Variants in CAPN9 observed in about 807,000 individuals in gnomAD.
CAPN9 encodes calpain-9.
Under a neutral mutation model 92.8 loss-of-function variants are expected in CAPN9, and 81 were observed. The ratio of observed to expected loss-of-function variants is 0.87; its 90% CI spans 0.73 to 1.05. CAPN9 has a LOEUF of 1.05. CAPN9 is among the 50% of genes least tolerant of loss of function. CAPN9 has a pLI of 0.00. For missense variants in CAPN9, 848 were observed against 866.2 expected (o/e 0.98, Z 0.26); for synonymous variants, 304 against 328.0 (o/e 0.93, Z 0.79).
chr1:230,751,636 AAAG>A (rs1664822807), intron 1 of CAPN9, among the ~76,000 whole-genome samples: 1 of 93,364 alleles, frequency 1.1e-5, no homozygotes, highest in Non-Finnish European at 2.1e-5. Flanking sequence ...AGAAAGAAAG[AAAG>A]AAAGAAAGAA....
chr1:230,753,897 C>G (rs1276076924), intron 1 of CAPN9, among the ~76,000 whole-genome samples: 1 of 145,908 alleles, frequency 6.9e-6, no homozygotes, highest in Non-Finnish European at 1.5e-5. Context: ...TCTGCTTCCC[C>G]CAGAGACGCC....
chr1:230,787,304 G>A (rs1667662567), intron 12 of CAPN9, among the ~76,000 whole-genome samples: 1 of 152,094 alleles, frequency 6.6e-6, no homozygotes, highest in Non-Finnish European at 1.5e-5. Context: ...AAGGCAGAAG[G>A]GCTCCACAGG....
chr1:230,774,747 T>TTCTTTC (rs1558100267), intron 8 of CAPN9, 116 bp downstream of exon 8: 21 of 672,192 alleles, frequency 3.1e-5, no homozygotes, highest in Non-Finnish European at 4.1e-5. Flanking sequence ...TTCTTTTTTT[T>TTCTTTC]TTTTTTTTTT....
intron 5 of CAPN9, among the ~76,000 whole-genome samples, chr1:230,768,041 TAAATAAATAAATAAAA>T (rs1348155854): frequency 2.3e-4 from 28 of 123,548 alleles, no homozygotes; most frequent in African/African-American, 7.9e-4. Context: ...AATAAATAAA[TAAATAAATAAATAAAA>T]AATAAAATAA....
intron 4 of CAPN9, among the ~76,000 whole-genome samples, chr1:230,766,770 C>G (rs1666010094): frequency 6.6e-6 from 1 of 152,166 alleles, no homozygotes; most frequent in Non-Finnish European, 1.5e-5. Flanking sequence ...TTCCACGTGG[C>G]TGGGAAGGAT....
At chr1:230,751,609 G>GAAAGAAAGA (rs1443186653) in intron 1 of CAPN9, among the ~76,000 whole-genome samples, 1 of 31,862 alleles carries the variant, frequency 3.1e-5, no homozygotes, top group Admixed American at 2.3e-4. Flanking sequence ...AAGAAAGAAA[G>GAAAGAAAGA]AGAAAGAAAG....
intron 19 of CAPN9, among the ~76,000 whole-genome samples, chr1:230,801,117 A>G (rs1190991404): frequency 2.6e-5 from 4 of 152,084 alleles, no homozygotes; most frequent in Admixed American, 1.3e-4. Context: ...ATTCCATGCT[A>G]CTTCTCCTTC....
At position 230,751,642 on chromosome 1, in the gene CAPN9, A is replaced by G. The variant is rs1203085361; in HGVS notation, c.214-3695A>G. ...AAGAAAGAAAGAAAGAAAGAAAGAA[A>G]GAAAGAAAGAAAGAAAGAAAGAAAG... On this transcript the variant is annotated intron_variant, in intron 1 of 19. Transcript: ENST00000271971. 3.0e-4 allele frequency among the ~76,000 whole-genome samples: 29 copies of G among 96,204 alleles called. No homozygotes were observed. The East Asian group carries it at 6.5e-3, about 22-fold the overall frequency. The allele number at this position is 96,204 out of a possible 152,430, so 63.1% of individuals were successfully genotyped here. A position where few individuals can be genotyped will look rare whatever the true frequency, so the allele number is the denominator to read the frequency against.
intron 13 of CAPN9, among the ~76,000 whole-genome samples, chr1:230,788,788 G>GAGCAT (rs1667780861): frequency 6.6e-6 from 1 of 152,158 alleles, no homozygotes; most frequent in African/African-American, 2.4e-5. Context: ...GTGCTATCTG[G>GAGCAT]AGCATGCTGG....
intron 2 of CAPN9, among the ~76,000 whole-genome samples, chr1:230,756,369 A>G (rs1665228961): frequency 6.6e-6 from 1 of 152,238 alleles, no homozygotes; most frequent in Non-Finnish European, 1.5e-5. Context: ...AATAAGTAAT[A>G]GATGATAGGT....
At chr1:230,778,461 C>CA (rs1160807207) in intron 8 of CAPN9, among the ~76,000 whole-genome samples, 1 of 152,212 alleles carries the variant, frequency 6.6e-6, no homozygotes, top group African/African-American at 2.4e-5. Flanking sequence ...GAGTCAAAGC[C>CA]AAAATCCCTA....
intron 1 of CAPN9, among the ~76,000 whole-genome samples, chr1:230,749,903 T>C (rs1664658694): frequency 6.6e-6 from 1 of 152,140 alleles, no homozygotes; most frequent in African/African-American, 2.4e-5. Context: ...ATTGACATCA[T>C]CTAGTTTAAA....
chr1:230,748,267 G>A lies in CAPN9; in HGVS notation c.213+558G>A, dbSNP rs1340137237. ...AGTGCCCCACCTCTGACAGTCTGGA[G>A]GTGTCGTCCCAAGAGGCACCAGCTG... On this transcript the variant is annotated intron_variant, in intron 1 of 19. Coordinates refer to ENST00000271971, the MANE Select transcript of CAPN9 (RefSeq NM_006615.3). Among the ~76,000 whole-genome samples, 4 of 152,190 alleles carry A rather than the reference G, an allele frequency of 2.6e-5. No homozygotes were observed. In the East Asian group the frequency reaches 7.7e-4, roughly 29 times the overall value.
intron 1 of CAPN9, among the ~76,000 whole-genome samples, chr1:230,751,591 AAG>A (rs1376052921): frequency 8.8e-5 from 2 of 22,814 alleles, no homozygotes. Flanking sequence ...GAAACAAAGA[AAG>A]AAAGAAAGAA....
rs927340899 is a variant in CAPN9 at position 230,776,679 on chromosome 1, A to G, written c.953+2048A>G. ...TCATATTCTGTGGGTGGCTCTGTTC[A>G]TACAGTGATTCAGGAACCCAAACGC... On this transcript the variant is annotated intron_variant, in intron 8 of 19. Transcript: ENST00000271971. 6 of 152,238 alleles carry G rather than the reference A, an allele frequency of 3.9e-5. No homozygotes were observed. In the East Asian group the frequency reaches 9.6e-4, roughly 24 times the overall value. 9.4% of individuals were successfully genotyped at this position (152,238 alleles called of 1,614,324 possible). A position where few individuals can be genotyped will look rare whatever the true frequency, so the allele number is the denominator to read the frequency against.
At chr1:230,792,259 C>T (rs1229424176) in intron 15 of CAPN9, among the ~76,000 whole-genome samples, 167 bp from the exon 16 acceptor site, 1 of 152,204 alleles carries the variant, frequency 6.6e-6, no homozygotes, top group Non-Finnish European at 1.5e-5. Context: ...CGTTTCCCCT[C>T]TTCAGAGATT....
chr1:230,748,913 T>C (rs1664595201), intron 1 of CAPN9, among the ~76,000 whole-genome samples: 1 of 152,170 alleles, frequency 6.6e-6, no homozygotes, highest in African/African-American at 2.4e-5. Context: ...AAGGGTTTTA[T>C]TGCTATTTCC....
chr1:230,780,404 T>C, intron 10 of CAPN9, 68 bp downstream of exon 10: 1 of 1,598,260 alleles, frequency 6.3e-7, no homozygotes, highest in Non-Finnish European at 8.6e-7. Flanking sequence ...TCCTCCTCGG[T>C]CTCACACCCG....
At chr1:230,754,699 C>G (rs1390428834) in intron 1 of CAPN9, among the ~76,000 whole-genome samples, 2 of 151,572 alleles carry the variant, frequency 1.3e-5, no homozygotes, top group African/African-American at 4.9e-5. Context: ...TCTGTAGTCC[C>G]AGTTACTTGG....
Sources: gnomAD v4.1 joint callset for allele counts (sites outside exome capture counted in the v4.1 genomes callset) on GRCh38, gnomAD v4.1.1 for gene constraint, MANE v1.5 for transcripts, NCBI Gene and HGNC (gene_info 2026-07-23, HGNC 2026-07-21) for gene names.